CABYR: variants seen among roughly 807,000 people sequenced by gnomAD.
CABYR encodes calcium binding tyrosine phosphorylation regulated.
CABYR carries 31 observed loss-of-function variants against 36.1 expected under a neutral mutation model. The observed-to-expected ratio is 0.86, with a 90% confidence interval of 0.64 to 1.16. The LOEUF (loss-of-function observed/expected upper bound fraction) is 1.16. Ranked by LOEUF, CABYR falls within the 50% of genes most tolerant of loss-of-function variation. The pLI is 0.00. For missense variants in CABYR, 429 were observed against 455.8 expected (o/e 0.94, Z 0.53); for synonymous variants, 146 against 160.7 (o/e 0.91, Z 0.69).
intron 3 of CABYR, among the ~76,000 whole-genome samples, chr18:24,154,102 CAAAAAAAAAAAAA>C (rs33985751): frequency 3.5e-5 from 2 of 57,434 alleles, no homozygotes; most frequent in East Asian, 1.2e-3. Context: ...GACTCCATCT[CAAAAAAAAAAAAA>C]AAAAAAAAAA....
At chr18:24,159,304 ATC>A (rs2085882994) in intron 4 of CABYR, among the ~76,000 whole-genome samples, 166 bp from the exon 5 acceptor site, 1 of 152,200 alleles carries the variant, frequency 6.6e-6, no homozygotes, top group South Asian at 2.1e-4. Flanking sequence ...ACTGTAGAGA[ATC>A]TCTTTCACCT....
At chr18:24,145,060 C>T (rs1436687807) in intron 3 of CABYR, among the ~76,000 whole-genome samples, 1 of 152,226 alleles carries the variant, frequency 6.6e-6, no homozygotes, top group East Asian at 1.9e-4. Context: ...CTGTCATCTC[C>T]TGAAATGTGA....
intron 3 of CABYR, chr18:24,152,618 A>G (rs1328409371): frequency 6.6e-6 from 1 of 152,162 alleles, no homozygotes; most frequent in Non-Finnish European, 1.5e-5. Flanking sequence ...TTAACATTTA[A>G]AAAATTAATT....
intron 4 of CABYR, among the ~76,000 whole-genome samples, chr18:24,157,578 G>T (rs767244639): frequency 6.6e-6 from 1 of 152,170 alleles, no homozygotes; most frequent in Non-Finnish European, 1.5e-5. Flanking sequence ...AGAGGGGAAA[G>T]GTCAGGGGAG....
At position 24,159,883 on chromosome 18, in the gene CABYR, C is replaced by G. The variant is rs150685297; in HGVS notation, c.953C>G (p.Pro318Arg). 6.2e-7 allele frequency: 1 copy of G among 1,614,154 alleles called. No homozygotes were observed. The highest frequency in any genetic ancestry group is 1.3e-5 in the African/African-American group (1 of 75,028). Residue 318 changes from proline to arginine, a missense_variant, in exon 5 of 6, where the codon CCA (proline) becomes CGA (arginine). Coordinates refer to ENST00000399496, the MANE Select transcript of CABYR (RefSeq NM_153769.3). ...CTAAGTCCCCAGAATGCTAATCCTC[C>G]AAGTGGACAAGATGTCCCCAGGCCA... ...HTLSPQNANP[P>R]SGQDVPRPKS...
intron 4 of CABYR, among the ~76,000 whole-genome samples, chr18:24,157,616 G>A (rs1304179585): frequency 2.0e-5 from 3 of 149,286 alleles, no homozygotes; most frequent in Admixed American, 1.3e-4. Flanking sequence ...CAGAAAGGAC[G>A]GCCCGGCACT....
chr18:24,160,781 T>C (rs1012573595), intron 5 of CABYR: 2 of 152,490 alleles, frequency 1.3e-5, no homozygotes, highest in Non-Finnish European at 2.9e-5. Context: ...GGCCTACCTT[T>C]AATTGTCACT....
chr18:24,158,741 C>T (rs2085864772), intron 4 of CABYR, among the ~76,000 whole-genome samples: 1 of 152,150 alleles, frequency 6.6e-6, no homozygotes, highest in South Asian at 2.1e-4. Context: ...AACCTTTTGT[C>T]CGAGGGCCCA....
At chr18:24,147,494 T>A (rs938932626) in intron 3 of CABYR, among the ~76,000 whole-genome samples, 4 of 152,130 alleles carry the variant, frequency 2.6e-5, no homozygotes, top group African/African-American at 9.7e-5. Flanking sequence ...CAAATTTTTT[T>A]AAAAAAGGAA....
chr18:24,145,843 A>G (rs1400485876), intron 3 of CABYR, among the ~76,000 whole-genome samples: 2 of 152,232 alleles, frequency 1.3e-5, no homozygotes, highest in African/African-American at 4.8e-5. Flanking sequence ...GTAGTGCACT[A>G]TCATACACTA....
intron 5 of CABYR, among the ~76,000 whole-genome samples, chr18:24,160,528 A>C (rs45516301): frequency 0.016 from 2,418 of 152,340 alleles, 27 homozygotes; most frequent in South Asian, 0.028. Context: ...TGGAGAGGTG[A>C]GAGGCAGAGT....
chr18:24,150,872 C>T (rs984042918), intron 3 of CABYR, among the ~76,000 whole-genome samples: 15 of 151,596 alleles, frequency 9.9e-5, no homozygotes, highest in Admixed American at 3.3e-4. Flanking sequence ...CTCCGCCTCC[C>T]GGGTTCACGC....
At position 24,143,150 on chromosome 18, in the gene CABYR, T is replaced by C; in HGVS notation, c.36T>C (p.Tyr12=). Residue 12 remains tyrosine (Y), a synonymous_variant, in exon 2 of 6, where the codon TAT becomes TAC. Coordinates refer to ENST00000399496, the MANE Select transcript of CABYR (RefSeq NM_153769.3). ...ISSKPRLVVP[Y]GLKTLLEGIS... Reference sequence around the variant, plus strand: ...CAAAGCCCAGACTTGTCGTACCCTATGGCCTCAAGACTCTGCTCGAGGGAA... The same window carrying C: ...CAAAGCCCAGACTTGTCGTACCCTACGGCCTCAAGACTCTGCTCGAGGGAA... 1 of 1,613,454 alleles carries C rather than the reference T, an allele frequency of 6.2e-7. No homozygotes were observed. The highest frequency in any genetic ancestry group is 8.5e-7 in the Non-Finnish European group (1 of 1,179,758).
chr18:24,149,288 G>T (rs1193055510), intron 3 of CABYR, among the ~76,000 whole-genome samples: 1 of 152,070 alleles, frequency 6.6e-6, no homozygotes. Flanking sequence ...AGACATAAAG[G>T]TTCTCTACGG....
At position 24,143,266 on chromosome 18, in the gene CABYR, T is replaced by C. The variant is rs778288864; in HGVS notation, c.145+7T>C. Reference sequence around the variant, plus strand: ...GAACTTACTATGTATAGAGGTTTGTTATTCCTTTATATATTTGCTGCTTTG... The same window carrying C: ...GAACTTACTATGTATAGAGGTTTGTCATTCCTTTATATATTTGCTGCTTTG... On this transcript the variant is annotated splice_region_variant and intron_variant, in intron 2 of 5. Coordinates refer to ENST00000399496, the MANE Select transcript of CABYR (RefSeq NM_153769.3). 5.6e-6 allele frequency: 9 copies of C among 1,604,424 alleles called. No individual in the cohort carries two copies. In the South Asian group the frequency reaches 1.0e-4, roughly 18 times the overall value.
At chr18:24,146,266 C>T (rs2085455721) in intron 3 of CABYR, among the ~76,000 whole-genome samples, 1 of 152,106 alleles carries the variant, frequency 6.6e-6, no homozygotes, top group South Asian at 2.1e-4. Flanking sequence ...AACATTTATT[C>T]CATAACTGCA....
At chr18:24,139,282 A>C (rs1278999758) in intron 1 of CABYR, among the ~76,000 whole-genome samples, 164 bp downstream of exon 1, 1 of 151,712 alleles carries the variant, frequency 6.6e-6, no homozygotes, top group East Asian at 1.9e-4. Context: ...GAGTGCGGCG[A>C]CCAGACGGCC....
intron 1 of CABYR, chr18:24,139,466 G>A (rs1173882500): frequency 6.6e-6 from 1 of 152,254 alleles, no homozygotes; most frequent in African/African-American, 2.4e-5. Context: ...TTTAGGGAGA[G>A]GTCGGGGAGT....
chr18:24,151,682 G>T (rs2085638345), intron 3 of CABYR, among the ~76,000 whole-genome samples: 1 of 113,668 alleles, frequency 8.8e-6, no homozygotes, highest in African/African-American at 3.2e-5. Context: ...TTGATCTAGT[G>T]TTGGCTTTTT....
Sources: allele counts gnomAD v4.1 joint callset (sites outside exome capture counted in the v4.1 genomes callset), GRCh38; gene constraint gnomAD v4.1.1; transcripts MANE v1.5; gene names NCBI Gene and HGNC (gene_info 2026-07-23, HGNC 2026-07-21).